Variants in TSGA10 observed in about 807,000 individuals in gnomAD.
TSGA10 encodes the protein testis specific 10, also known as testis-specific gene 10 protein.
A neutral mutation model predicts 96.6 loss-of-function variants in TSGA10; 43 were observed. The observed-to-expected ratio is 0.44, with a 90% confidence interval of 0.35 to 0.57. The LOEUF is 0.57. Among genes scored for constraint, TSGA10 ranks in the 20% least tolerant of loss-of-function variants. The probability of loss-of-function intolerance (pLI) is 0.01; values close to 1 mark genes in which losing one functional copy is unlikely to be tolerated. For missense variants in TSGA10, 703 were observed against 834.4 expected, an observed-to-expected ratio of 0.84 and a Z score of 1.94; for synonymous variants, 229 against 269.9, an observed-to-expected ratio of 0.85 and a Z score of 1.48.
At chr2:99,117,466 C>T (rs2092339756) in intron 4 of TSGA10, 78 bp downstream of exon 4, 2 of 631,212 alleles carry the variant, frequency 3.2e-6, no homozygotes, top group Non-Finnish European at 2.0e-6. Context: ...AATGAGAATG[C>T]TACTTTTTCC....
At chr2:99,118,450 C>CAA (rs34057808) in intron 3 of TSGA10, 101 bp downstream of exon 3, 533 of 263,070 alleles carry the variant, frequency 2.0e-3, no homozygotes, top group Non-Finnish European at 2.4e-3. Context: ...GACTCTATCT[C>CAA]AAAAAAAAAA....
chr2:99,113,606 C>T (rs1201656357), intron 4 of TSGA10, among the ~76,000 whole-genome samples: 16 of 152,266 alleles, frequency 1.1e-4, no homozygotes, highest in South Asian at 2.1e-4. Context: ...AGCGCAGTGG[C>T]GTGATCTCGG....
At chr2:99,032,025 G>A (rs1408276639) in intron 17 of TSGA10, among the ~76,000 whole-genome samples, 1 of 152,084 alleles carries the variant, frequency 6.6e-6, no homozygotes, top group Non-Finnish European at 1.5e-5. Flanking sequence ...ATTGCTGAGT[G>A]GCAAGTGAAA....
intron 10 of TSGA10, chr2:99,102,835 A>G: frequency 9.0e-7 from 1 of 1,115,904 alleles, no homozygotes; most frequent in Non-Finnish European, 1.4e-6. Flanking sequence ...AAACCTAAAT[A>G]TTTGGCCAAT....
intron 1 of TSGA10, chr2:99,150,755 G>A (rs1472299550): frequency 6.2e-7 from 1 of 1,613,688 alleles, no homozygotes; most frequent in Non-Finnish European, 8.5e-7. Context: ...ACTGGCACAG[G>A]ATCTCTTTCT....
intron 10 of TSGA10, among the ~76,000 whole-genome samples, chr2:99,084,180 T>C (rs2087941286): frequency 6.6e-6 from 1 of 152,226 alleles, no homozygotes; most frequent in Admixed American, 6.5e-5. Context: ...TCACTATTGT[T>C]TTTTAAAGCT....
intron 16 of TSGA10, among the ~76,000 whole-genome samples, chr2:99,061,806 T>A (rs2084725845): frequency 6.6e-6 from 1 of 152,152 alleles, no homozygotes; most frequent in African/African-American, 2.4e-5. Context: ...GTGACTATAT[T>A]TGGAGATAGG....
At chr2:99,023,545 A>G (rs1330521963) in intron 17 of TSGA10, among the ~76,000 whole-genome samples, 1 of 152,188 alleles carries the variant, frequency 6.6e-6, no homozygotes, top group Non-Finnish European at 1.5e-5. Context: ...TGGCTGTTAC[A>G]TATAGCCCTA....
rs2089261647 is a variant in TSGA10, at chr2:99,091,046, G to A, written c.612-9649C>T. ...GCAAAAGCATGAGCTAACCTATAAAGGAAAACCTTTCAGATTAACAGCAAA... is the reference window on the plus strand; with the variant it reads ...GCAAAAGCATGAGCTAACCTATAAAAGAAAACCTTTCAGATTAACAGCAAA... On this transcript the variant is annotated intron_variant, in intron 10 of 20. Transcript: ENST00000393483. 2.6e-5 allele frequency among the ~76,000 whole-genome samples: 4 copies of A among 152,240 alleles called. No homozygotes were observed. In the South Asian group the frequency reaches 8.3e-4, roughly 32 times the overall value.
At position 99,150,543 on chromosome 2, in the gene TSGA10, T is replaced by G. The variant is rs146451233; in HGVS notation, c.-621+4150A>C. 10 of 1,608,800 alleles carry G rather than the reference T, an allele frequency of 6.2e-6. No individual in the cohort carries two copies. The African/African-American group carries it at 1.3e-4, about 22-fold the overall frequency. On this transcript the variant is annotated intron_variant, in intron 1 of 20. Coordinates refer to ENST00000393483, the MANE Select transcript of TSGA10 (RefSeq NM_025244.4). ...AGGTACCTGCAAATTACTTTCACATTTGTTCAGCTATCCTAATGGGATTTT... is the reference window on the plus strand; with the variant it reads ...AGGTACCTGCAAATTACTTTCACATGTGTTCAGCTATCCTAATGGGATTTT...
intron 1 of TSGA10, among the ~76,000 whole-genome samples, chr2:99,137,765 A>T (rs1303619987): frequency 6.6e-6 from 1 of 151,956 alleles, no homozygotes; most frequent in African/African-American, 2.4e-5. Flanking sequence ...AGAGAAGTGG[A>T]TGGATTTAGG....
intron 14 of TSGA10, among the ~76,000 whole-genome samples, chr2:99,069,379 C>T (rs1383922853): frequency 6.6e-6 from 1 of 151,980 alleles, no homozygotes; most frequent in African/African-American, 2.4e-5. Flanking sequence ...AATCTGTGAT[C>T]AGGAATCTGG....
chr2:99,003,511 C>G, intron 20 of TSGA10, among the ~76,000 whole-genome samples: 1 of 152,192 alleles, frequency 6.6e-6, no homozygotes, highest in East Asian at 1.9e-4. Context: ...TTCTCAGCAC[C>G]ACATCACACT....
intron 9 of TSGA10, 47 bp from the exon 10 acceptor site, chr2:99,104,165 T>C (rs2091080214): frequency 6.2e-7 from 1 of 1,601,102 alleles, no homozygotes. Flanking sequence ...AAAAACACCT[T>C]AGTAATCTTC....
At chr2:99,130,988 T>C (rs545433677) in intron 1 of TSGA10, among the ~76,000 whole-genome samples, 2 of 151,764 alleles carry the variant, frequency 1.3e-5, no homozygotes, top group East Asian at 1.9e-4. Context: ...ATATATATAT[T>C]GGTATATATC....
chr2:99,036,421 G>A (rs1272536100), intron 16 of TSGA10, among the ~76,000 whole-genome samples: 2 of 152,044 alleles, frequency 1.3e-5, no homozygotes, highest in African/African-American at 4.8e-5. Context: ...TCGATGGTAT[G>A]TGGTATCTGC....
intron 20 of TSGA10, among the ~76,000 whole-genome samples, chr2:99,009,571 CAAAAAA>C (rs765452742): frequency 2.2e-5 from 1 of 45,434 alleles, no homozygotes. Flanking sequence ...GACCCTGTCT[CAAAAAA>C]AAAAAAAAAA....
chr2:99,150,352 AC>A (rs901713086), intron 1 of TSGA10: 1 of 542,188 alleles, frequency 1.8e-6, no homozygotes, highest in Non-Finnish European at 3.2e-6. Flanking sequence ...GAAAATGTAA[AC>A]ACTGAAAGGT....
chr2:99,033,170 T>A (rs1371280341), intron 17 of TSGA10, among the ~76,000 whole-genome samples: 1 of 152,196 alleles, frequency 6.6e-6, no homozygotes, highest in Non-Finnish European at 1.5e-5. Context: ...GTGTCATCTA[T>A]AGAGAAATGC....
Sources: gnomAD v4.1 joint callset for allele counts (sites outside exome capture counted in the v4.1 genomes callset) on GRCh38, gnomAD v4.1.1 for gene constraint, MANE v1.5 for transcripts, NCBI Gene and HGNC (gene_info 2026-07-23, HGNC 2026-07-21) for gene names.